PKP1: variants seen among roughly 807,000 people sequenced by gnomAD.
PKP1 encodes plakophilin 1.
Under a neutral mutation model 76.4 loss-of-function variants are expected in PKP1, and 27 were observed. The observed-to-expected ratio is 0.35, with a 90% confidence interval of 0.26 to 0.49. The LOEUF is 0.49. PKP1 is among the 20% of genes least tolerant of loss of function. PKP1 has a pLI of 0.99. For missense variants in PKP1, 964 were observed against 955.2 expected (o/e 1.01, Z -0.12); for synonymous variants, 404 against 384.2 (o/e 1.05, Z -0.60).
At position 201,323,050 on chromosome 1, in the gene PKP1, C is replaced by G; in HGVS notation, c.1541C>G (p.Thr514Ser). The change falls in exon 9 of 14, where the codon ACC becomes AGC. Residue 514 changes from threonine to serine, a missense_variant. Transcript: ENST00000367324. ...NYDCPLPEEETNPKGSGWLYH... is the reference protein window; with the variant it reads ...NYDCPLPEEESNPKGSGWLYH... ...GACTGCCCCCTGCCTGAGGAAGAGA[C>G]CAACCCCAAGGGCAGCGGCTGGTTG... 1 of 1,614,158 alleles carries G rather than the reference C, an allele frequency of 6.2e-7. No homozygotes were observed. Among genetic ancestry groups the G allele is most frequent in the Non-Finnish European group, 8.5e-7 (1 of 1,180,014 alleles).
intron 3 of PKP1, among the ~76,000 whole-genome samples, chr1:201,315,731 A>G (rs1353870813): frequency 6.6e-6 from 1 of 152,252 alleles, no homozygotes; most frequent in Non-Finnish European, 1.5e-5. Context: ...ATTTCCTATG[A>G]TTCAACCTAA....
rs963948096 is a variant in PKP1 at position 201,323,421 on chromosome 1, T to G, written c.1680+232T>G. The stretch of plus-strand genomic sequence containing the variant: ...GCCCACTGATGCTGGATTCTGTCCA[T>G]GCACACACAATCCCCTTGGCCACAT... On this transcript the variant is annotated intron_variant, in intron 9 of 13. Transcript: ENST00000367324. Among the ~76,000 whole-genome samples, 3 of 90,204 alleles carry G rather than the reference T, an allele frequency of 3.3e-5. No homozygotes were observed. In the East Asian group the frequency reaches 1.4e-3, roughly 43 times the overall value. The allele number at this position is 90,204 out of a possible 152,430, so 59.2% of individuals were successfully genotyped here.
chr1:201,317,298 G>A (rs929594228), intron 4 of PKP1, among the ~76,000 whole-genome samples: 69 of 152,276 alleles, frequency 4.5e-4, no homozygotes, highest in African/African-American at 1.6e-3. Context: ...GAGGAAGAAA[G>A]CAGGACTCAG....
chr1:201,310,708 T>G (rs1656522536), intron 2 of PKP1, among the ~76,000 whole-genome samples: 2 of 152,194 alleles, frequency 1.3e-5, no homozygotes. Context: ...CATACCCAGC[T>G]GTCCTCAGGC....
rs548296273 is a variant in PKP1, at chr1:201,329,678, C to T, written c.*33-396C>T. On this transcript the variant is annotated intron_variant, in intron 13 of 13. Coordinates refer to ENST00000367324, the MANE Select transcript of PKP1 (RefSeq NM_001005337.3). Reference sequence around the variant, plus strand: ...AACCAGGCTGTCTGCCAGCACCCCCCACCCCAATCCCTGGTGGGGAGAGAG... The same window carrying T: ...AACCAGGCTGTCTGCCAGCACCCCCTACCCCAATCCCTGGTGGGGAGAGAG... Among the ~76,000 whole-genome samples, 162 of 152,342 alleles carry T rather than the reference C, an allele frequency of 1.1e-3. 2 individuals carry two copies. The highest frequency in any genetic ancestry group is 2.0e-3 in the Admixed American group (31 of 15,306).
intron 1 of PKP1, among the ~76,000 whole-genome samples, chr1:201,288,716 C>G (rs999372234): frequency 6.6e-6 from 1 of 152,134 alleles, no homozygotes. Flanking sequence ...ACCCGTCAAC[C>G]CTTGCCCACT....
At chr1:201,288,304 G>C (rs1655797236) in intron 1 of PKP1, among the ~76,000 whole-genome samples, 1 of 152,182 alleles carries the variant, frequency 6.6e-6, no homozygotes, top group South Asian at 2.1e-4. Flanking sequence ...CTGCCAAAAA[G>C]CTCTTCCCCT....
At chr1:201,321,953 G>A (rs774413664) in intron 7 of PKP1, 25 bp from the exon 8 acceptor site, 1 of 1,613,720 alleles carries the variant, frequency 6.2e-7, no homozygotes, top group Non-Finnish European at 8.5e-7. Flanking sequence ...AGAGGCTCAG[G>A]CCCATGCCTC....
At chr1:201,324,095 G>C (rs2102184969) in intron 9 of PKP1, among the ~76,000 whole-genome samples, 1 of 152,268 alleles carries the variant, frequency 6.6e-6, no homozygotes, top group Middle Eastern at 3.4e-3. Context: ...AGATGTAATG[G>C]GGGCAGCGCT....
Position 201,301,566 on chromosome 1 carries a change from T to G in PKP1, c.306+7521T>G, listed in dbSNP as rs1656231598. On this transcript the variant is annotated intron_variant, in intron 2 of 13. Transcript: ENST00000367324. ...CAGACAATTCCCTGGCCACAGAGAA[T>G]GGAATTCTGTCTTCTCCGGAGAAGG... Among the ~76,000 whole-genome samples the G allele has an allele frequency of 2.0e-5, 3 of 152,174 alleles. No individual in the cohort carries two copies. In the South Asian group the frequency reaches 6.2e-4, roughly 31 times the overall value.
chr1:201,293,121 C>G (rs576578886), intron 1 of PKP1, among the ~76,000 whole-genome samples: 3 of 152,116 alleles, frequency 2.0e-5, no homozygotes, highest in Non-Finnish European at 2.9e-5. Flanking sequence ...TCACCATTGG[C>G]CATATTTCAA....
chr1:201,313,338 A>G lies in PKP1; in HGVS notation c.479A>G (p.Tyr160Cys), dbSNP rs1456581726. Reference protein sequence around the residue: ...IKASRSEPDLYCDPRGTLRKG... With the variant: ...IKASRSEPDLCCDPRGTLRKG... The stretch of plus-strand genomic sequence containing the variant: ...GCGAGCCGCAGTGAGCCCGACCTCT[A>G]CTGTGACCCACGGGGCACCCTGCGC... Residue 160 changes from tyrosine to cysteine, a missense_variant, in exon 3 of 14, where the codon TAC becomes TGC. Coordinates refer to ENST00000367324, the MANE Select transcript of PKP1 (RefSeq NM_001005337.3). 2 of 1,589,210 alleles carry G rather than the reference A, an allele frequency of 1.3e-6. No individual in the cohort carries two copies. The highest frequency in any genetic ancestry group is 1.8e-5 in the Admixed American group (1 of 56,010).
At chr1:201,293,860 G>A (rs1655997103) in intron 1 of PKP1, 82 bp from the exon 2 acceptor site, 13 of 893,130 alleles carry the variant, frequency 1.5e-5, no homozygotes, top group Non-Finnish European at 2.4e-5. Context: ...AGTGGACCTG[G>A]ATGCAGAAGT....
At chr1:201,317,088 G>A (rs544302874) in intron 4 of PKP1, among the ~76,000 whole-genome samples, 37 of 152,202 alleles carry the variant, frequency 2.4e-4, no homozygotes, top group African/African-American at 8.7e-4. Flanking sequence ...GTAGAAAACA[G>A]GCCTGTTGAT....
intron 10 of PKP1, 130 bp downstream of exon 10, chr1:201,324,711 A>G: frequency 1.6e-6 from 2 of 1,238,144 alleles, no homozygotes; most frequent in Non-Finnish European, 2.3e-6. Context: ...CTGGCCAAAG[A>G]CAGGTATGGA....
intron 9 of PKP1, among the ~76,000 whole-genome samples, chr1:201,323,416 G>A (rs1657009849): frequency 2.2e-5 from 2 of 91,964 alleles, no homozygotes; most frequent in African/African-American, 5.9e-5. Context: ...GCTGGATTCT[G>A]TCCATGCACA....
intron 1 of PKP1, among the ~76,000 whole-genome samples, chr1:201,285,313 A>T (rs1655697842): frequency 7.3e-6 from 1 of 137,598 alleles, no homozygotes; most frequent in South Asian, 2.5e-4. Flanking sequence ...CCTACTCCCT[A>T]GCCCCCATTC....
intron 1 of PKP1, 99 bp downstream of exon 1, chr1:201,284,003 G>A: frequency 9.0e-7 from 1 of 1,105,490 alleles, no homozygotes; most frequent in Non-Finnish European, 1.4e-6. Flanking sequence ...GGGATGAGGG[G>A]AGGCGAGGGG....
In PKP1 at chr1:201,294,019, G is replaced by A. The variant is rs1656004790; in HGVS notation, c.280G>A (p.Ala94Thr). The change falls in exon 2 of 14, where the codon GCA (alanine) becomes ACA (threonine). Residue 94 changes from alanine to threonine, a missense_variant. Physicochemically the swap from Ala to Thr is moderately conservative, Grantham distance 58 (BLOSUM62 0). Coordinates refer to ENST00000367324, the MANE Select transcript of PKP1 (RefSeq NM_001005337.3). ...SRSSYYSKFQAGNGSWGYPIY... is the reference protein window; with the variant it reads ...SRSSYYSKFQTGNGSWGYPIY... ...GAGCAGCTACTACTCCAAGTTCCAG[G>A]CAGGGAATGGCTCATGGGGATATCC... 1 of 1,612,888 alleles carries A rather than the reference G, an allele frequency of 6.2e-7. No individual in the cohort carries two copies. Among genetic ancestry groups the A allele is most frequent in the Non-Finnish European group, 8.5e-7 (1 of 1,178,956 alleles).
Sources: gnomAD v4.1 joint callset for allele counts (sites outside exome capture counted in the v4.1 genomes callset) on GRCh38, gnomAD v4.1.1 for gene constraint, MANE v1.5 for transcripts, NCBI Gene and HGNC (gene_info 2026-07-23, HGNC 2026-07-21) for gene names.